PDZD2: variants seen among roughly 807,000 people sequenced by gnomAD.
The protein encoded by PDZD2 is PDZ domain-containing protein 2.
A neutral mutation model predicts 220.7 loss-of-function variants in PDZD2; 90 were observed. The observed-to-expected ratio is 0.41, with a 90% CI of 0.34 to 0.49. The LOEUF (loss-of-function observed/expected upper bound fraction) is 0.49, where lower values mean the gene tolerates loss of function less well. Ranked by LOEUF, PDZD2 falls within the 20% of genes least tolerant of loss-of-function variation. The probability of loss-of-function intolerance (pLI) is 0.28; values close to 1 mark genes in which losing one functional copy is unlikely to be tolerated. For missense variants in PDZD2, 3,174 were observed against 3,608.5 expected, an observed-to-expected ratio of 0.88 and a Z score of 3.08; for synonymous variants, 1,375 against 1,450.5, an observed-to-expected ratio of 0.95 and a Z score of 1.18.
chr5:31,896,323 CG>C (rs1161835413), intron 2 of PDZD2, among the ~76,000 whole-genome samples: 25 of 136,472 alleles, frequency 1.8e-4, no homozygotes, highest in Admixed American at 1.8e-3. Context: ...TTGATACTCT[CG>C]TGTGTGTGTG....
rs201839914 is a variant in PDZD2, at chr5:32,074,009, A to G, written c.2903A>G (p.Asn968Ser). 1 of 1,614,202 alleles carries G rather than the reference A, an allele frequency of 6.2e-7. No individual in the cohort carries two copies. The highest frequency in any genetic ancestry group is 8.5e-7 in the Non-Finnish European group (1 of 1,180,022). ...AGGAAGGTAGGCTGCTACGATGCCA[A>G]CGATGCCAGTGATGAGGAAGAGTTT... ...RQRKVGCYDA[N>S]DASDEEEFDR... Residue 968 changes from asparagine to serine, a missense_variant, in exon 18 of 25, where the codon AAC becomes AGC. Asn to Ser is a conservative substitution (Grantham distance 46, BLOSUM62 1). Coordinates refer to ENST00000438447, the MANE Select transcript of PDZD2 (RefSeq NM_178140.4).
At chr5:31,887,329 A>G (rs1167461573) in intron 2 of PDZD2, among the ~76,000 whole-genome samples, 1 of 151,910 alleles carries the variant, frequency 6.6e-6, no homozygotes. Context: ...TAGGAAAGTG[A>G]CTCTTGCTTC....
At chr5:31,883,023 C>CAAAAAAAAAAAAA (rs781370177) in intron 2 of PDZD2, among the ~76,000 whole-genome samples, 3 of 47,960 alleles carry the variant, frequency 6.3e-5, no homozygotes, top group African/African-American at 2.3e-4. Flanking sequence ...GACTCTGTCT[C>CAAAAAAAAAAAAA]AAAAAAAAAA....
At chr5:31,763,888 A>G (rs1477061603) in intron 1 of PDZD2, among the ~76,000 whole-genome samples, 2 of 144,124 alleles carry the variant, frequency 1.4e-5, no homozygotes, top group Non-Finnish European at 3.0e-5. Context: ...AAAAAAAAAA[A>G]GTCATAGTGT....
Position 32,110,188 on chromosome 5 carries a change from A to G in PDZD2, c.*2053A>G, listed in dbSNP as rs1447811128. On this transcript the variant is annotated 3_prime_UTR_variant, in exon 25 of 25. Coordinates refer to ENST00000438447, the MANE Select transcript of PDZD2 (RefSeq NM_178140.4). The stretch of plus-strand genomic sequence containing the variant: ...AGCTGTGCCTAATAATAATTAATTA[A>G]TAAACGCACAGCCCTATGTGAACAG... 1 of 152,666 alleles carries G rather than the reference A, an allele frequency of 6.6e-6. No homozygotes were observed. The highest frequency in any genetic ancestry group is 6.5e-5 in the Admixed American group (1 of 15,282). 9.5% of individuals were successfully genotyped at this position (152,666 alleles called of 1,614,324 possible).
chr5:31,849,112 C>T (rs977409697), intron 2 of PDZD2, among the ~76,000 whole-genome samples: 6 of 152,150 alleles, frequency 3.9e-5, no homozygotes, highest in Non-Finnish European at 8.8e-5. Flanking sequence ...TTTCCCCAGG[C>T]AATGTAAACC....
At chr5:31,726,530 C>CA (rs1038122534) in intron 1 of PDZD2, among the ~76,000 whole-genome samples, 2 of 151,784 alleles carry the variant, frequency 1.3e-5, no homozygotes, top group Non-Finnish European at 2.9e-5. Context: ...ACTCCATCTC[C>CA]AAAAAAAAGT....
At chr5:31,881,100 G>A (rs1247307619) in intron 2 of PDZD2, among the ~76,000 whole-genome samples, 6 of 151,902 alleles carry the variant, frequency 3.9e-5, no homozygotes, top group African/African-American at 1.2e-4. Flanking sequence ...ACGCCTGGCT[G>A]AAAGGTAGCT....
intron 2 of PDZD2, among the ~76,000 whole-genome samples, chr5:31,960,377 C>T (rs1748109092): frequency 6.6e-6 from 1 of 152,064 alleles, no homozygotes; most frequent in African/African-American, 2.4e-5. Flanking sequence ...ACCACTACAC[C>T]ACGCCCGGCT....
chr5:31,803,716 T>C (rs1754540570), intron 2 of PDZD2, among the ~76,000 whole-genome samples: 1 of 151,974 alleles, frequency 6.6e-6, no homozygotes, highest in African/African-American at 2.4e-5. Flanking sequence ...CTGTCGATGT[T>C]CAAGACTCCA....
At chr5:31,847,274 G>A (rs1757634631) in intron 2 of PDZD2, 2 of 297,052 alleles carry the variant, frequency 6.7e-6, no homozygotes, top group African/African-American at 4.4e-5. Context: ...CTGTAGGGTG[G>A]GGTTTGTTAA....
chr5:31,667,185 G>A (rs1257005242), intron 1 of PDZD2, among the ~76,000 whole-genome samples: 1 of 137,082 alleles, frequency 7.3e-6, no homozygotes, highest in African/African-American at 2.7e-5. Context: ...GCAGTGAGCT[G>A]AGATCGCGCC....
At position 31,750,284 on chromosome 5, in the gene PDZD2, C is replaced by T. The variant is rs576084513; in HGVS notation, c.-360-48605C>T. On this transcript the variant is annotated intron_variant, in intron 1 of 24. Coordinates refer to ENST00000438447, the MANE Select transcript of PDZD2 (RefSeq NM_178140.4). ...GTGGCCTTTGGAGCCCATTGTGTCC[C>T]CCAGCTCCCTCTTGCCTGCTTCAGC... Among the ~76,000 whole-genome samples the T allele has an allele frequency of 2.1e-4, 32 of 152,306 alleles. 2 individuals are homozygous for T. The South Asian group carries it at 6.4e-3, about 31-fold the overall frequency.
chr5:31,886,687 C>T (rs1273509381), intron 2 of PDZD2, among the ~76,000 whole-genome samples: 2 of 124,914 alleles, frequency 1.6e-5, no homozygotes, highest in Non-Finnish European at 3.2e-5. Context: ...GTAGATTCTG[C>T]ACTTGTCTCT....
chr5:32,004,116 AC>A (rs1752626626), intron 5 of PDZD2, among the ~76,000 whole-genome samples: 1 of 150,622 alleles, frequency 6.6e-6, no homozygotes, highest in Admixed American at 6.6e-5. Flanking sequence ...TGGGGGGGCC[AC>A]TTATGGGTAA....
chr5:31,801,032 A>G (rs1754361866), intron 2 of PDZD2, among the ~76,000 whole-genome samples: 1 of 152,200 alleles, frequency 6.6e-6, no homozygotes, highest in Admixed American at 6.5e-5. Flanking sequence ...TGATTTGTCT[A>G]TATGTGTCAG....
At chr5:32,073,529 G>A (rs1422532569) in intron 17 of PDZD2, among the ~76,000 whole-genome samples, 1 of 151,530 alleles carries the variant, frequency 6.6e-6, no homozygotes, top group African/African-American at 2.4e-5. Flanking sequence ...AGATAATCAT[G>A]GAGGTGGAAG....
intron 7 of PDZD2, among the ~76,000 whole-genome samples, chr5:32,043,156 G>A (rs140809694): frequency 1.5e-3 from 225 of 152,310 alleles, no homozygotes; most frequent in African/African-American, 5.1e-3. Flanking sequence ...GGGAGGGGGC[G>A]CTGGAGGGCC....
At chr5:32,069,781 C>CAGTCT in intron 15 of PDZD2, 131 bp downstream of exon 15, 1 of 624,336 alleles carries the variant, frequency 1.6e-6, no homozygotes, top group Non-Finnish European at 2.9e-6. Context: ...CTGTCAAAGA[C>CAGTCT]AGTCTATGCT....
Sources: gnomAD v4.1 joint callset for allele counts (sites outside exome capture counted in the v4.1 genomes callset) on GRCh38, gnomAD v4.1.1 for gene constraint, MANE v1.5 for transcripts, NCBI Gene and HGNC (gene_info 2026-07-23, HGNC 2026-07-21) for gene names.